The following TRAPPC9 variants were observed in gnomAD, a reference collection of about 807,000 sequenced individuals.
TRAPPC9 encodes trafficking protein particle complex subunit 9, also known as IKK2 binding protein.
A neutral mutation model predicts 124.0 loss-of-function variants in TRAPPC9; 83 were observed. The ratio of observed to expected loss-of-function variants is 0.67; its 90% confidence interval spans 0.56 to 0.80. The LOEUF is 0.80. Ranked by LOEUF, TRAPPC9 falls within the 30% of genes least tolerant of loss-of-function variation. The pLI is 0.00. For synonymous variants in TRAPPC9, 638 were observed against 617.5 expected (o/e 1.03, Z -0.49); for missense variants, 1,302 against 1,508.3 (o/e 0.86, Z 2.27).
chr8:139,801,307 G>A (rs1823509886), intron 21 of TRAPPC9, among the ~76,000 whole-genome samples: 1 of 152,222 alleles, frequency 6.6e-6, no homozygotes, highest in Admixed American at 6.5e-5. Context: ...CATGCCTCCT[G>A]CTCACATTGG....
chr8:140,282,102 G>A (rs370155586), intron 14 of TRAPPC9, among the ~76,000 whole-genome samples: 2 of 152,316 alleles, frequency 1.3e-5, no homozygotes, highest in African/African-American at 4.8e-5. Context: ...AAATGAAAGG[G>A]TCTATTGAAC....
At position 139,788,561 on chromosome 8, in the gene TRAPPC9, C is replaced by A. The variant is rs893705364; in HGVS notation, c.3056-56359G>T. 1.3e-5 allele frequency among the ~76,000 whole-genome samples: 2 copies of A among 152,188 alleles called. No individual in the cohort carries two copies. Among genetic ancestry groups the A allele is most frequent in the Admixed American group, 6.5e-5 (1 of 15,288 alleles). ...CAGCTGCTCAGGCAGTGCCAGCAGA[C>A]CCTGGCATGGAGGTCCGTGGCCACT... On this transcript the variant is annotated intron_variant, in intron 21 of 22. Coordinates refer to ENST00000438773, the MANE Select transcript of TRAPPC9 (RefSeq NM_001160372.4). The surrounding 1 kb of genome is among the most constrained non-coding windows in gnomAD (Gnocchi z 4.9).
chr8:140,285,662 C>A (rs1392861264), intron 13 of TRAPPC9, among the ~76,000 whole-genome samples: 4 of 151,970 alleles, frequency 2.6e-5, no homozygotes, highest in African/African-American at 4.8e-5. Context: ...TCTCTCTTAC[C>A]ACCACGTTGT....
chr8:140,023,251 C>G (rs1175028212), intron 18 of TRAPPC9, among the ~76,000 whole-genome samples: 1 of 152,154 alleles, frequency 6.6e-6, no homozygotes, highest in Non-Finnish European at 1.5e-5. Context: ...TCATTCACCT[C>G]CAGCTTCTAG....
At chr8:139,770,090 AGCGAAAGC>A (rs1820857542) in intron 21 of TRAPPC9, among the ~76,000 whole-genome samples, 1 of 152,228 alleles carries the variant, frequency 6.6e-6, no homozygotes, top group African/African-American at 2.4e-5. Flanking sequence ...GGCAGACACC[AGCGAAAGC>A]CCAATCCCGA....
chr8:140,305,217 T>C (rs1387708617), intron 10 of TRAPPC9, among the ~76,000 whole-genome samples: 1 of 152,218 alleles, frequency 6.6e-6, no homozygotes, highest in African/African-American at 2.4e-5. Context: ...TAGGACATTA[T>C]GAATTCCAGG....
chr8:140,070,977 G>A (rs1843131207), intron 17 of TRAPPC9, among the ~76,000 whole-genome samples: 1 of 152,192 alleles, frequency 6.6e-6, no homozygotes, highest in South Asian at 2.1e-4. Context: ...GGCAGCACTC[G>A]GCCAGAAGCA....
chr8:140,368,643 A>AC (rs2068191873), intron 8 of TRAPPC9, among the ~76,000 whole-genome samples: 1 of 151,596 alleles, frequency 6.6e-6, no homozygotes, highest in African/African-American at 2.4e-5. Context: ...CTGCAAAAGC[A>AC]CCCCCCAGGT....
At chr8:139,816,720 G>A (rs901352245) in intron 21 of TRAPPC9, among the ~76,000 whole-genome samples, 1 of 152,050 alleles carries the variant, frequency 6.6e-6, no homozygotes, top group Admixed American at 6.5e-5. Flanking sequence ...TAAAATGGAA[G>A]GGCATCTGTC....
At chr8:140,337,176 C>G (rs2067066019) in intron 9 of TRAPPC9, among the ~76,000 whole-genome samples, 1 of 152,176 alleles carries the variant, frequency 6.6e-6, no homozygotes. Context: ...CGGAAGCCCA[C>G]CATGCCTTAC....
intron 21 of TRAPPC9, among the ~76,000 whole-genome samples, chr8:139,796,313 T>C (rs776328153): frequency 2.8e-4 from 43 of 152,196 alleles, no homozygotes; most frequent in Non-Finnish European, 5.1e-4. Context: ...CACTCAGTGA[T>C]ACTGGGCTCA....
intron 21 of TRAPPC9, among the ~76,000 whole-genome samples, chr8:139,800,883 A>C (rs1823460012): frequency 9.3e-6 from 1 of 107,704 alleles, no homozygotes; most frequent in African/African-American, 3.8e-5. Flanking sequence ...TCCCTCTGGT[A>C]TCTTCCCGCC....
intron 15 of TRAPPC9, among the ~76,000 whole-genome samples, chr8:140,263,017 G>T (rs139565829): frequency 8.8e-4 from 134 of 152,280 alleles, no homozygotes; most frequent in South Asian, 5.0e-3. Flanking sequence ...CAGCACAAGG[G>T]CTGTGGCAGA....
At chr8:140,324,822 A>G (rs1240485899) in intron 9 of TRAPPC9, among the ~76,000 whole-genome samples, 1 of 149,502 alleles carries the variant, frequency 6.7e-6, no homozygotes, top group African/African-American at 2.6e-5. Flanking sequence ...ATAGACAACA[A>G]TGATAAGGAA....
intron 21 of TRAPPC9, among the ~76,000 whole-genome samples, chr8:139,845,362 C>T (rs1431539718): frequency 6.6e-6 from 1 of 152,154 alleles, no homozygotes; most frequent in African/African-American, 2.4e-5. Context: ...CCTTTATAAA[C>T]ATATACGGGT....
At chr8:140,360,405 T>C (rs1474082678) in intron 8 of TRAPPC9, among the ~76,000 whole-genome samples, 3 of 152,248 alleles carry the variant, frequency 2.0e-5, no homozygotes, top group Non-Finnish European at 4.4e-5. Context: ...GGCATTACAC[T>C]ATAGCTTCTC....
chr8:139,925,815 G>A (rs923750180), intron 19 of TRAPPC9, among the ~76,000 whole-genome samples: 67 of 93,498 alleles, frequency 7.2e-4, no homozygotes, highest in African/African-American at 3.1e-3. Flanking sequence ...ACACGCACAC[G>A]CACACGCACA....
intron 21 of TRAPPC9, among the ~76,000 whole-genome samples, chr8:139,866,014 G>A (rs1272240318): frequency 7.4e-6 from 1 of 134,576 alleles, no homozygotes; most frequent in Non-Finnish European, 1.5e-5. Context: ...AAGGGGTGGG[G>A]ACATGGGGGG....
chr8:139,783,255 T>C (rs1312234049), intron 21 of TRAPPC9, among the ~76,000 whole-genome samples: 1 of 152,142 alleles, frequency 6.6e-6, no homozygotes, highest in Non-Finnish European at 1.5e-5. Flanking sequence ...AGCTGGTTCT[T>C]AGAGAAGCTC....
Sources: allele counts gnomAD v4.1 joint callset (sites outside exome capture counted in the v4.1 genomes callset), GRCh38; gene constraint gnomAD v4.1.1; non-coding constraint Gnocchi (gnomAD v3.1); transcripts MANE v1.5; gene names NCBI Gene and HGNC (gene_info 2026-07-23, HGNC 2026-07-21).